KCNN3: variants seen among roughly 807,000 people sequenced by gnomAD.
KCNN3 encodes the protein small conductance calcium-activated potassium channel protein 3.
Under a neutral mutation model 62.9 loss-of-function variants are expected in KCNN3, and 16 were observed. The observed-to-expected ratio is 0.25, with a 90% confidence interval of 0.17 to 0.39. The LOEUF (loss-of-function observed/expected upper bound fraction) is 0.39. Among genes scored for constraint, KCNN3 ranks in the 10% least tolerant of loss-of-function variants. KCNN3 has a pLI of 1.00. For synonymous variants in KCNN3, 370 were observed against 389.2 expected (o/e 0.95, Z 0.58); for missense variants, 599 against 949.4 (o/e 0.63, Z 4.85).
intron 3 of KCNN3, among the ~76,000 whole-genome samples, chr1:154,747,798 C>T (rs1198199658): frequency 3.3e-5 from 5 of 152,120 alleles, no homozygotes; most frequent in Non-Finnish European, 4.4e-5. Flanking sequence ...GCTCCTGTAG[C>T]GTTGAGTGCA....
intron 3 of KCNN3, among the ~76,000 whole-genome samples, chr1:154,762,798 T>C (rs1035072079): frequency 1.3e-5 from 2 of 152,248 alleles, no homozygotes; most frequent in African/African-American, 4.8e-5. Context: ...CTTTTACATC[T>C]GACTTTTTAA....
intron 2 of KCNN3, among the ~76,000 whole-genome samples, chr1:154,792,938 G>A (rs953210652): frequency 1.3e-5 from 2 of 152,168 alleles, no homozygotes; most frequent in African/African-American, 4.8e-5. Flanking sequence ...AACTTCTAGT[G>A]TGTATTTCCC....
rs571721464 is a variant in KCNN3, at chr1:154,720,197, C to A, written c.1702-5194G>T. Among the ~76,000 whole-genome samples the A allele has an allele frequency of 7.2e-5, 11 of 152,326 alleles. No homozygotes were observed. In the East Asian group the frequency reaches 2.1e-3, roughly 29 times the overall value. Reference sequence around the variant, plus strand: ...TGCATAGGCCGGGGGCCCACCCTCGCCCCTTTCTGGGCCTTCGTCTTCTCA... The same window carrying A: ...TGCATAGGCCGGGGGCCCACCCTCGACCCTTTCTGGGCCTTCGTCTTCTCA... On this transcript the variant is annotated intron_variant, in intron 5 of 7. Coordinates refer to ENST00000271915, the MANE Select transcript of KCNN3 (RefSeq NM_002249.6).
chr1:154,781,094 A>T (rs527300930), intron 2 of KCNN3, among the ~76,000 whole-genome samples: 1 of 152,300 alleles, frequency 6.6e-6, no homozygotes, highest in Admixed American at 6.5e-5. Flanking sequence ...GCCAGAGCTC[A>T]CTTTTGGTCT....
chr1:154,816,199 G>A (rs985150639), intron 2 of KCNN3, among the ~76,000 whole-genome samples: 3 of 152,040 alleles, frequency 2.0e-5, no homozygotes, highest in Admixed American at 1.3e-4. Context: ...CTACCGTTAC[G>A]TTTCTGTTGA....
intron 5 of KCNN3, among the ~76,000 whole-genome samples, chr1:154,721,615 TAAG>T (rs973211733): frequency 5.9e-5 from 9 of 152,004 alleles, no homozygotes; most frequent in South Asian, 2.1e-4. Flanking sequence ...CTACCTCTTA[TAAG>T]AAGAAGTGCT....
intron 4 of KCNN3, among the ~76,000 whole-genome samples, chr1:154,732,380 G>A (rs574356546): frequency 1.3e-5 from 2 of 152,340 alleles, no homozygotes; most frequent in East Asian, 3.9e-4. Context: ...ACCTGGAGAT[G>A]GGATCACAGC....
intron 2 of KCNN3, among the ~76,000 whole-genome samples, chr1:154,783,398 G>T (rs141582997): frequency 4.2e-4 from 64 of 152,298 alleles, no homozygotes; most frequent in African/African-American, 1.5e-3. Context: ...GGCTATGTTT[G>T]TGGAACTAAG....
chr1:154,805,040 AG>A (rs1223257176), intron 2 of KCNN3, among the ~76,000 whole-genome samples: 2 of 152,228 alleles, frequency 1.3e-5, no homozygotes, highest in East Asian at 3.8e-4. Context: ...GCCATGCAAG[AG>A]GGGCGTGAGA....
At position 154,870,112 on chromosome 1, in the gene KCNN3, G is replaced by T; in HGVS notation, c.-148C>A. ...TCTCTTTGGCTTGCTTCGGTTCTCT[G>T]GGGCTGCCTGGAGTCCAGACGCTGC... On this transcript the variant is annotated 5_prime_UTR_variant, in exon 1 of 8. Coordinates refer to ENST00000271915, the MANE Select transcript of KCNN3 (RefSeq NM_002249.6). 1.1e-6 allele frequency: 1 copy of T among 924,630 alleles called. No homozygotes were observed. Among genetic ancestry groups the T allele is most frequent in the Non-Finnish European group, 1.7e-6 (1 of 576,240 alleles). 57.3% of individuals were successfully genotyped at this position (924,630 alleles called of 1,614,324 possible).
chr1:154,747,241 G>T (rs1700957427), intron 3 of KCNN3, among the ~76,000 whole-genome samples: 2 of 152,096 alleles, frequency 1.3e-5, no homozygotes, highest in African/African-American at 4.8e-5. Flanking sequence ...GGGTGGTGGG[G>T]GCAGCATTCT....
At chr1:154,780,103 T>C (rs1269826606) in intron 2 of KCNN3, among the ~76,000 whole-genome samples, 1 of 151,924 alleles carries the variant, frequency 6.6e-6, no homozygotes, top group East Asian at 1.9e-4. Context: ...AGCAGCCACA[T>C]GGCACAGCCC....
At position 154,730,929 on chromosome 1, in the gene KCNN3, A is replaced by G. The variant is rs199643626; in HGVS notation, c.1590+2074T>C. The stretch of plus-strand genomic sequence containing the variant: ...CCCAAAGAGAGGCAGGGGTGGGGCC[A>G]GGGTCTCGCCTGTTCCGCTCAGCTG... On this transcript the variant is annotated intron_variant, in intron 4 of 7. Transcript: ENST00000271915. Among the ~76,000 whole-genome samples the G allele has an allele frequency of 9.9e-4, 151 of 152,286 alleles. 1 individual carries two copies. Among genetic ancestry groups the G allele is most frequent in the Admixed American group, 7.1e-3 (109 of 15,302 alleles).
chr1:154,791,286 CTTT>C (rs34318428), intron 2 of KCNN3, among the ~76,000 whole-genome samples: 1 of 137,394 alleles, frequency 7.3e-6, no homozygotes, highest in Admixed American at 7.3e-5. Context: ...TATCATACCA[CTTT>C]TTTTTTTTTT....
intron 3 of KCNN3, among the ~76,000 whole-genome samples, chr1:154,736,754 T>C (rs1700719335): frequency 6.6e-6 from 1 of 152,228 alleles, no homozygotes; most frequent in Non-Finnish European, 1.5e-5. Context: ...ATCCTATTCA[T>C]ATGTGGGAGG....
At position 154,703,949 on chromosome 1, in the gene KCNN3, A is replaced by G. The variant is rs1235182276; in HGVS notation, c.*4027T>C. ...ATTGATGTATTAGGTGCTTATATGAATTGGCCAAAGATGTGGATCCAGTCT... is the reference window on the plus strand; with the variant it reads ...ATTGATGTATTAGGTGCTTATATGAGTTGGCCAAAGATGTGGATCCAGTCT... On this transcript the variant is annotated 3_prime_UTR_variant, in exon 8 of 8. Coordinates refer to ENST00000271915, the MANE Select transcript of KCNN3 (RefSeq NM_002249.6). 3 of 152,202 alleles carry G rather than the reference A, an allele frequency of 2.0e-5. No homozygotes were observed. Among genetic ancestry groups the G allele is most frequent in the African/African-American group, 7.2e-5 (3 of 41,452 alleles). The allele number at this position is 152,202 out of a possible 1,614,324, so 9.4% of individuals were successfully genotyped here. A position where few individuals can be genotyped will look rare whatever the true frequency, so the allele number is the denominator to read the frequency against.
chr1:154,820,184 C>T (rs1162149155), intron 2 of KCNN3, among the ~76,000 whole-genome samples: 2 of 152,192 alleles, frequency 1.3e-5, no homozygotes, highest in East Asian at 3.9e-4. Context: ...GCCACCAGGC[C>T]GGAACTGAGT....
chr1:154,839,561 GTGGATAATCCACACC>G (rs898523551), intron 1 of KCNN3, among the ~76,000 whole-genome samples: 6 of 152,206 alleles, frequency 3.9e-5, no homozygotes, highest in African/African-American at 1.4e-4. Context: ...AATCCACAAA[GTGGATAATCCACACC>G]TGGCTGACGA....
rs1263003811 is a variant in KCNN3 at position 154,700,846 on chromosome 1, G to A, written c.*7130C>T. On this transcript the variant is annotated 3_prime_UTR_variant, in exon 8 of 8. Transcript: ENST00000271915. ...ATTTTAAAAAAGAAAAAATCATTTA[G>A]TAGCAAAAAAAAGTGAAGAAATAAA... 2.0e-5 allele frequency: 3 copies of A among 151,788 alleles called. No individual in the cohort carries two copies. Among genetic ancestry groups the A allele is most frequent in the African/African-American group, 7.3e-5 (3 of 41,326 alleles). The allele number at this position is 151,788 out of a possible 1,614,324, so 9.4% of individuals were successfully genotyped here. A position where few individuals can be genotyped will look rare whatever the true frequency, so the allele number is the denominator to read the frequency against.
Sources: allele counts gnomAD v4.1 joint callset (sites outside exome capture counted in the v4.1 genomes callset), GRCh38; gene constraint gnomAD v4.1.1; transcripts MANE v1.5; gene names NCBI Gene and HGNC (gene_info 2026-07-23, HGNC 2026-07-21).